The following GARRE1 variants were observed in gnomAD, a reference collection of about 807,000 sequenced individuals.
The protein encoded by GARRE1 is granule associated Rac and RHOG effector protein 1.
In GARRE1, 49 loss-of-function variants were observed where a neutral mutation model predicts 103.2. The ratio of observed to expected loss-of-function variants is 0.47; its 90% CI spans 0.38 to 0.60. The LOEUF (loss-of-function observed/expected upper bound fraction) is 0.60. Among genes scored for constraint, GARRE1 ranks in the 20% least tolerant of loss-of-function variants. The pLI, the probability that GARRE1 is intolerant of heterozygous loss-of-function variation, is 0.00. For missense variants in GARRE1, 1,199 were observed against 1,370.5 expected (o/e 0.87, Z 1.98); for synonymous variants, 505 against 532.8 (o/e 0.95, Z 0.72).
intron 2 of GARRE1, 128 bp downstream of exon 2, chr19:34,301,096 C>T: frequency 9.7e-7 from 1 of 1,033,268 alleles, no homozygotes. Flanking sequence ...GGTACTCTGT[C>T]TTTGTAAAAA....
In GARRE1 at chr19:34,341,519, T is replaced by C. The variant is rs972324549; in HGVS notation, c.1585T>C (p.Ser529Pro). 4 of 1,613,956 alleles carry C rather than the reference T, an allele frequency of 2.5e-6. No homozygotes were observed. Among genetic ancestry groups the C allele is most frequent in the African/African-American group, 1.3e-5 (1 of 74,870 alleles). ...DLPSGNGNKS[S>P]GGLQKTFSKL... ...GCCTTCTGGAAATGGAAACAAATCT[T>C]CAGGTGGCCTGCAGAAGACATTCTC... Residue 529 changes from serine (S) to proline (P), a missense_variant, in exon 10 of 14, where the codon TCA (serine) becomes CCA (proline). Transcript: ENST00000299505.
In GARRE1 at chr19:34,352,893, A is replaced by G; in HGVS notation, c.3151A>G (p.Lys1051Glu). The change falls in exon 14 of 14, where the codon AAG (lysine) becomes GAG (glutamate). Residue 1051 changes from lysine (K) to glutamate (E), a missense_variant. Physicochemically the swap from Lys to Glu is moderately conservative, Grantham distance 56. Transcript: ENST00000299505. ...CCCACCAGCACACAAGGCAGCACCCAAGGGCTTCAAGGCCTTCCCTGGGAA... is the reference window on the plus strand; with the variant it reads ...CCCACCAGCACACAAGGCAGCACCCGAGGGCTTCAAGGCCTTCCCTGGGAA... Reference protein sequence around the residue: ...PPPPAHKAAPKGFKAFPGKGE... With the variant: ...PPPPAHKAAPEGFKAFPGKGE... 1 of 1,421,382 alleles carries G rather than the reference A, an allele frequency of 7.0e-7. No individual in the cohort carries two copies. 88.0% of individuals were successfully genotyped at this position (1,421,382 alleles called of 1,614,324 possible).
At chr19:34,323,646 G>A (rs1430030406) in intron 3 of GARRE1, among the ~76,000 whole-genome samples, 2 of 152,116 alleles carry the variant, frequency 1.3e-5, no homozygotes, top group Admixed American at 1.3e-4. Flanking sequence ...GCACCTTGTT[G>A]CCTTGTCATG....
intron 12 of GARRE1, among the ~76,000 whole-genome samples, chr19:34,350,425 C>T (rs1345032406): frequency 6.6e-6 from 1 of 152,196 alleles, no homozygotes; most frequent in East Asian, 1.9e-4. Context: ...ACATCTGGCA[C>T]CATCTCTGCA....
At chr19:34,293,185 T>C (rs1473430409) in intron 1 of GARRE1, among the ~76,000 whole-genome samples, 1 of 152,214 alleles carries the variant, frequency 6.6e-6, no homozygotes, top group Non-Finnish European at 1.5e-5. Context: ...TAAACAGTTG[T>C]AGTGTGTATT....
intron 2 of GARRE1, among the ~76,000 whole-genome samples, chr19:34,310,747 A>G (rs1049189714): frequency 5.9e-5 from 9 of 152,176 alleles, no homozygotes; most frequent in Admixed American, 1.3e-4. Context: ...TGTGATGCAG[A>G]TGGAAAATAG....
intron 1 of GARRE1, among the ~76,000 whole-genome samples, chr19:34,258,345 G>A (rs1274081774): frequency 6.6e-6 from 1 of 152,044 alleles, no homozygotes; most frequent in African/African-American, 2.4e-5. Context: ...CAGTATATGA[G>A]TCCTGGGTAG....
At position 34,352,863 on chromosome 19, in the gene GARRE1, C is replaced by G; in HGVS notation, c.3121C>G (p.Pro1041Ala). 1 of 1,578,696 alleles carries G rather than the reference C, an allele frequency of 6.3e-7. No homozygotes were observed. Among genetic ancestry groups the G allele is most frequent in the Middle Eastern group, 1.8e-4 (1 of 5,424 alleles). Residue 1041 changes from proline (P) to alanine (A), a missense_variant, in exon 14 of 14, where the codon CCA (proline) becomes GCA (alanine). Transcript: ENST00000299505. ...CTATGTGCAGACCCCACCCCAGCCC[C>G]CACCCCCACCAGCACACAAGGCAGC... ...FSYVQTPPQPPPPPAHKAAPK... is the reference protein window; with the variant it reads ...FSYVQTPPQPAPPPAHKAAPK...
intron 11 of GARRE1, 23 bp from the exon 12 acceptor site, chr19:34,348,993 C>T: frequency 6.2e-7 from 1 of 1,607,466 alleles, no homozygotes; most frequent in Non-Finnish European, 8.5e-7. Context: ...GGCCCTGGCC[C>T]AGCTTCTCTC....
rs2074225430 is a variant in GARRE1, at chr19:34,349,079, A to G, written c.2751A>G (p.Thr917=). 6.2e-7 allele frequency: 1 copy of G among 1,612,730 alleles called. No individual in the cohort carries two copies. The highest frequency in any genetic ancestry group is 1.7e-5 in the Admixed American group (1 of 59,956). ...QGDSASSSDE[T]SSANGDSLFS... is the part of the protein sequence containing the mutation. ...ACTCTGCCAGCTCGAGTGATGAGAC[A>G]TCCTCAGCCAACGGGGACAGCTTGT... Residue 917 remains threonine, a synonymous_variant, in exon 12 of 14, where the codon ACA becomes ACG. Coordinates refer to ENST00000299505, the MANE Select transcript of GARRE1 (RefSeq NM_014686.5).
At chr19:34,265,365 T>G (rs915353534) in intron 1 of GARRE1, among the ~76,000 whole-genome samples, 1 of 152,160 alleles carries the variant, frequency 6.6e-6, no homozygotes, top group African/African-American at 2.4e-5. Context: ...CCTGTGCTGC[T>G]CCTGGGTGTC....
chr19:34,348,875 C>T lies in GARRE1; in HGVS notation c.2688-141C>T, dbSNP rs1257755636. On this transcript the variant is annotated intron_variant, in intron 11 of 13. Coordinates refer to ENST00000299505, the MANE Select transcript of GARRE1 (RefSeq NM_014686.5). ...TTGAAATAAGGCAAAGGAGGAAAAC[C>T]TCACGTTTTAAGAAGGGAGAGACAA... The T allele has an allele frequency of 8.8e-6, 8 of 911,892 alleles. No homozygotes were observed. In the South Asian group the frequency reaches 9.8e-5, roughly 11 times the overall value. 56.5% of individuals were successfully genotyped at this position (911,892 alleles called of 1,614,324 possible).
chr19:34,330,416 C>G (rs1360280974), intron 7 of GARRE1, 69 bp downstream of exon 7: 3 of 1,457,602 alleles, frequency 2.1e-6, no homozygotes, highest in African/African-American at 1.4e-5. Flanking sequence ...GGATGTGGTG[C>G]AGACACATGT....
rs751582801 is a variant in GARRE1, at chr19:34,330,358, G to T, written c.1263+11G>T. 1.9e-6 allele frequency: 3 copies of T among 1,613,836 alleles called. No homozygotes were observed. Among genetic ancestry groups the T allele is most frequent in the Non-Finnish European group, 2.5e-6 (3 of 1,179,766 alleles). On this transcript the variant is annotated intron_variant, in intron 7 of 13. Transcript: ENST00000299505. Reference sequence around the variant, plus strand: ...GGCCAGGCTGGACTGGTGAGTGAGCGTGGGTGGTGGATGATAGGTAGAATA... The same window carrying T: ...GGCCAGGCTGGACTGGTGAGTGAGCTTGGGTGGTGGATGATAGGTAGAATA...
At chr19:34,286,404 A>C (rs1179716759) in intron 1 of GARRE1, among the ~76,000 whole-genome samples, 1 of 151,902 alleles carries the variant, frequency 6.6e-6, no homozygotes, top group Admixed American at 6.6e-5. Flanking sequence ...TATTTTTAGT[A>C]GAGACAGGGT....
In GARRE1 at chr19:34,329,942, G is replaced by T. The variant is rs372905997; in HGVS notation, c.1105-247G>T. ...AAAATTTAAAAATTAGCTGAGTGTGGTGGTGTGCACCTACCTGTGTGGTCC... is the reference window on the plus strand; with the variant it reads ...AAAATTTAAAAATTAGCTGAGTGTGTTGGTGTGCACCTACCTGTGTGGTCC... On this transcript the variant is annotated intron_variant, in intron 6 of 13. Coordinates refer to ENST00000299505, the MANE Select transcript of GARRE1 (RefSeq NM_014686.5). 9.8e-4 allele frequency among the ~76,000 whole-genome samples: 150 copies of T among 152,298 alleles called. 6 individuals are homozygous for T. In the South Asian group the frequency reaches 0.029, roughly 29 times the overall value.
intron 1 of GARRE1, among the ~76,000 whole-genome samples, chr19:34,288,652 C>T (rs77121672): frequency 3.1e-3 from 470 of 152,370 alleles, no homozygotes; most frequent in African/African-American, 0.011. Flanking sequence ...GACATGCAAC[C>T]ACCTCAAAGC....
Position 34,303,248 on chromosome 19 carries a change from T to C in GARRE1, c.495+2280T>C, listed in dbSNP as rs569110915. Among the ~76,000 whole-genome samples the C allele has an allele frequency of 2.0e-5, 3 of 152,298 alleles. No homozygotes were observed. The South Asian group carries it at 6.2e-4, about 32-fold the overall frequency. ...GTTCAGAGAGTTAATCTGACATTAGTTTTTCCATCCTTCTACATCCAGGTG... is the reference window on the plus strand; with the variant it reads ...GTTCAGAGAGTTAATCTGACATTAGCTTTTCCATCCTTCTACATCCAGGTG... On this transcript the variant is annotated intron_variant, in intron 2 of 13. Transcript: ENST00000299505.
At chr19:34,348,135 C>A (rs1376695186) in intron 11 of GARRE1, 93 bp downstream of exon 11, 1 of 1,111,008 alleles carries the variant, frequency 9.0e-7, no homozygotes, top group East Asian at 3.1e-5. Context: ...TGTGTGCATT[C>A]TTTTCAGGCA....
Sources: allele counts gnomAD v4.1 joint callset (sites outside exome capture counted in the v4.1 genomes callset), GRCh38; gene constraint gnomAD v4.1.1; transcripts MANE v1.5; gene names NCBI Gene and HGNC (gene_info 2026-07-23, HGNC 2026-07-21).